DYNC1I1: variants seen among roughly 807,000 people sequenced by gnomAD.
DYNC1I1 encodes cytoplasmic dynein 1 intermediate chain 1.
DYNC1I1 carries 43 observed loss-of-function variants against 86.6 expected under a neutral mutation model. The ratio of observed to expected loss-of-function variants is 0.50; its 90% CI spans 0.39 to 0.64. The LOEUF is 0.64. Ranked by LOEUF, DYNC1I1 falls within the 30% of genes least tolerant of loss-of-function variation. The probability of loss-of-function intolerance (pLI) is 0.00; values close to 1 mark genes in which losing one functional copy is unlikely to be tolerated. For missense variants in DYNC1I1, 604 were observed against 788.8 expected (o/e 0.77, Z 2.81); for synonymous variants, 262 against 283.7 (o/e 0.92, Z 0.77).
rs536369207 is a variant in DYNC1I1, at chr7:96,029,348, C to T, written c.1116+1027C>T. Among the ~76,000 whole-genome samples the T allele has an allele frequency of 7.9e-5, 12 of 152,158 alleles. No homozygotes were observed. The East Asian group carries it at 2.3e-3, about 29-fold the overall frequency. On this transcript the variant is annotated intron_variant, in intron 11 of 16. Coordinates refer to ENST00000447467, the MANE Select transcript of DYNC1I1 (RefSeq NM_001135556.2). The stretch of plus-strand genomic sequence containing the variant: ...CAAACTAATAACAGAAAATTGTGGC[C>T]CAGGAGAAGGTGGGCTTGATGCAGG...
Position 95,813,299 on chromosome 7 carries a change from T to G in DYNC1I1, c.276T>G (p.Ala92=). 6.2e-7 allele frequency: 1 copy of G among 1,612,308 alleles called. No individual in the cohort carries two copies. Among genetic ancestry groups the G allele is most frequent in the East Asian group, 2.2e-5 (1 of 44,796 alleles). The change falls in exon 4 of 17, where the codon GCT becomes GCG. Residue 92 remains alanine, a synonymous_variant. Transcript: ENST00000447467. ...SSKSVSTPSE[A]GSQDSGDLGP... ...AATCAGTGAGCACTCCCAGTGAAGC[T>G]GGAAGCCAAGACTCAGGCGATCTGG... is the stretch of plus-strand genomic sequence containing the variant.
At chr7:95,987,212 TA>T in intron 9 of DYNC1I1, 57 bp downstream of exon 9, 10 of 1,460,730 alleles carry the variant, frequency 6.8e-6, no homozygotes, top group Admixed American at 1.9e-5. Flanking sequence ...GGCATTTGTA[TA>T]AAAAAATAAG....
chr7:96,060,557 A>T (rs1789734470), intron 14 of DYNC1I1, among the ~76,000 whole-genome samples: 1 of 152,166 alleles, frequency 6.6e-6, no homozygotes, highest in African/African-American at 2.4e-5. Context: ...TGGTGGATAT[A>T]TGTCATGATA....
chr7:95,943,437 G>A (rs1792297243), intron 6 of DYNC1I1, among the ~76,000 whole-genome samples: 1 of 150,976 alleles, frequency 6.6e-6, no homozygotes, highest in African/African-American at 2.4e-5. Flanking sequence ...TCGTGAAAAT[G>A]GCCATACTGC....
chr7:95,810,309 T>C, intron 2 of DYNC1I1, 83 bp from the exon 3 acceptor site: 1 of 1,111,210 alleles, frequency 9.0e-7, no homozygotes, highest in East Asian at 2.5e-5. Flanking sequence ...TTCACTGCCA[T>C]GCATTTATCA....
chr7:95,818,575 A>T, intron 4 of DYNC1I1: 2 of 639,238 alleles, frequency 3.1e-6, no homozygotes, highest in Admixed American at 2.3e-5. Context: ...CTTCATCCCA[A>T]AGTGGTGGGA....
intron 6 of DYNC1I1, among the ~76,000 whole-genome samples, chr7:95,965,376 G>T (rs1366000005): frequency 6.6e-6 from 1 of 152,182 alleles, no homozygotes; most frequent in East Asian, 1.9e-4. Context: ...AGAATGGAAT[G>T]TGGAGCTTCA....
chr7:95,831,495 C>A (rs1158455887), intron 5 of DYNC1I1, among the ~76,000 whole-genome samples: 1 of 152,094 alleles, frequency 6.6e-6, no homozygotes, highest in Non-Finnish European at 1.5e-5. Context: ...CTTTGAGATA[C>A]TAATTTTATT....
intron 6 of DYNC1I1, among the ~76,000 whole-genome samples, chr7:95,972,867 G>A (rs1434832948): frequency 1.3e-5 from 2 of 152,206 alleles, no homozygotes; most frequent in African/African-American, 4.8e-5. Flanking sequence ...GAGGAAGACA[G>A]TGGTTACCAA....
intron 6 of DYNC1I1, among the ~76,000 whole-genome samples, chr7:95,894,619 T>A (rs148432365): frequency 7.9e-5 from 12 of 152,324 alleles, no homozygotes; most frequent in African/African-American, 2.6e-4. Flanking sequence ...AAATTTTAAA[T>A]CATTATAACT....
intron 15 of DYNC1I1, among the ~76,000 whole-genome samples, chr7:96,079,817 T>G (rs1274363831): frequency 6.6e-6 from 1 of 152,108 alleles, no homozygotes; most frequent in Admixed American, 6.5e-5. Flanking sequence ...AAAAATTTTT[T>G]TTATCTTTAT....
At chr7:95,827,463 C>T (rs1204135430) in intron 4 of DYNC1I1, among the ~76,000 whole-genome samples, 1 of 152,182 alleles carries the variant, frequency 6.6e-6, no homozygotes, top group Non-Finnish European at 1.5e-5. Flanking sequence ...AAGATATAAT[C>T]AATCCCTGAC....
rs3047672 is a variant in DYNC1I1 at position 96,077,239 on chromosome 7, TTGTGTG to T, written c.1650+1075_1650+1080del. ...GAGGAGGAGCACACTTCCCTAGTAT[TTGTGTG>T]TGTGTGTGTGTGTGTGTGTGTGTGT... On this transcript the variant is annotated intron_variant, in intron 15 of 16. Transcript: ENST00000447467. Among the ~76,000 whole-genome samples the T allele has an allele frequency of 7.2e-3, 1,036 of 144,472 alleles. 6 individuals carry two copies. The highest frequency in any genetic ancestry group is 0.014 in the Middle Eastern group (4 of 284). 94.8% of individuals were successfully genotyped at this position (144,472 alleles called of 152,430 possible).
chr7:95,983,959 TG>T (rs1327479453), intron 7 of DYNC1I1, among the ~76,000 whole-genome samples: 4 of 152,126 alleles, frequency 2.6e-5, no homozygotes, highest in South Asian at 2.1e-4. Flanking sequence ...CTGCCCTTGA[TG>T]GTTTTTTGGT....
intron 16 of DYNC1I1, among the ~76,000 whole-genome samples, chr7:96,088,176 A>G (rs1464136366): frequency 6.6e-6 from 1 of 152,086 alleles, no homozygotes. Flanking sequence ...AAATGGACTT[A>G]TAGGATTAAT....
At chr7:96,072,119 A>G (rs1459841763) in intron 14 of DYNC1I1, among the ~76,000 whole-genome samples, 2 of 152,218 alleles carry the variant, frequency 1.3e-5, no homozygotes, top group Middle Eastern at 3.2e-3. Context: ...CAATGTACAT[A>G]TAGAGTCAGG....
At chr7:95,787,391 AC>A (rs1252226578) in intron 1 of DYNC1I1, among the ~76,000 whole-genome samples, 3 of 152,168 alleles carry the variant, frequency 2.0e-5, no homozygotes, top group African/African-American at 7.2e-5. Context: ...TTATGTTAAT[AC>A]ATTCAAAAGG....
chr7:96,076,871 C>T (rs1215857033), intron 15 of DYNC1I1, among the ~76,000 whole-genome samples: 1 of 152,186 alleles, frequency 6.6e-6, no homozygotes, highest in African/African-American at 2.4e-5. Flanking sequence ...GTAATAAATA[C>T]TGTTTTTAAA....
At chr7:96,003,327 G>T (rs1490743648) in intron 10 of DYNC1I1, among the ~76,000 whole-genome samples, 1 of 152,158 alleles carries the variant, frequency 6.6e-6, no homozygotes, top group Non-Finnish European at 1.5e-5. Context: ...AGCTCACATG[G>T]CTACAATGAA....
Sources: gnomAD v4.1 joint callset for allele counts (sites outside exome capture counted in the v4.1 genomes callset) on GRCh38, gnomAD v4.1.1 for gene constraint, MANE v1.5 for transcripts, NCBI Gene and HGNC (gene_info 2026-07-23, HGNC 2026-07-21) for gene names.